Variants in DLK1 observed in about 807,000 individuals in gnomAD.
The protein encoded by DLK1 is protein delta homolog 1.
A neutral mutation model predicts 35.2 loss-of-function variants in DLK1; 9 were observed. The ratio of observed to expected loss-of-function variants is 0.26; its 90% CI spans 0.15 to 0.45. The LOEUF is 0.45. Ranked by LOEUF, DLK1 falls within the 20% of genes least tolerant of loss-of-function variation. The pLI, the probability that DLK1 is intolerant of heterozygous loss-of-function variation, is 1.00. For missense variants in DLK1, 522 were observed against 528.5 expected (o/e 0.99, Z 0.12); for synonymous variants, 231 against 228.4 (o/e 1.01, Z -0.10).
Position 100,734,464 on chromosome 14 carries a change from A to G in DLK1, c.720A>G (p.Thr240=). The change falls in exon 5 of 5, where the codon ACA becomes ACG. Residue 240 remains threonine (T), a synonymous_variant. Transcript: ENST00000341267. This position sits in a 1 kb window ranked among gnomAD's most constrained non-coding sequence, Gnocchi z 7.4. ...AGTGTCTGTGCAAGCCCGAGTTCAC[A>G]GGTCTCACCTGTGTCAAGAAGCGCG... ...SYECLCKPEF[T]GLTCVKKRAL... is the part of the protein sequence containing the mutation. 1.2e-6 allele frequency: 2 copies of G among 1,611,550 alleles called. No individual in the cohort carries two copies. The highest frequency in any genetic ancestry group is 1.7e-6 in the Non-Finnish European group (2 of 1,178,724).
Position 100,730,309 on chromosome 14 carries a change from T to C in DLK1, c.262+1243T>C, listed in dbSNP as rs538230545. On this transcript the variant is annotated intron_variant, in intron 3 of 4. Coordinates refer to ENST00000341267, the MANE Select transcript of DLK1 (RefSeq NM_003836.7). Reference sequence around the variant, plus strand: ...TTGGGATCAGGGTTAGGCTTTTAGCTTGGAGCCCATCTTTTTGGTATCTAA... The same window carrying C: ...TTGGGATCAGGGTTAGGCTTTTAGCCTGGAGCCCATCTTTTTGGTATCTAA... Among the ~76,000 whole-genome samples the C allele has an allele frequency of 4.3e-4, 65 of 152,318 alleles. 1 individual carries two copies. In the South Asian group the frequency reaches 0.012, roughly 28 times the overall value.
chr14:100,735,251 A>G lies in DLK1; in HGVS notation c.*355A>G, dbSNP rs1269561970. 4.9e-6 allele frequency: 1 copy of G among 203,466 alleles called. No homozygotes were observed. Among genetic ancestry groups the G allele is most frequent in the Non-Finnish European group, 9.8e-6 (1 of 102,168 alleles). The allele number at this position is 203,466 out of a possible 1,614,324, so 12.6% of individuals were successfully genotyped here. A position where few individuals can be genotyped will look rare whatever the true frequency, so the allele number is the denominator to read the frequency against. ...CGCCCCTACCCTGGGGGTCTCGGCC[A>G]CATGGTCCTCGTGAAACCGTTACGA... On this transcript the variant is annotated 3_prime_UTR_variant, in exon 5 of 5. Transcript: ENST00000341267.
intron 1 of DLK1, among the ~76,000 whole-genome samples, chr14:100,728,038 T>C (rs774918969): frequency 2.6e-5 from 4 of 152,158 alleles, no homozygotes; most frequent in African/African-American, 9.7e-5. Context: ...ACGGTCAGGC[T>C]GCATGCCCAG....
chr14:100,737,445 C>T lies in DLK1; in HGVS notation c.*2549C>T, dbSNP rs975625244. ...AAGATTGGTCAGATGATCAAATTATCTATGTTTTCGATCTTGATGCTATAG... is the reference window on the plus strand; with the variant it reads ...AAGATTGGTCAGATGATCAAATTATTTATGTTTTCGATCTTGATGCTATAG... On this transcript the variant is annotated 3_prime_UTR_variant, in exon 5 of 5. Coordinates refer to ENST00000341267, the MANE Select transcript of DLK1 (RefSeq NM_003836.7). The T allele has an allele frequency of 6.6e-6, 1 of 152,016 alleles. No homozygotes were observed. Among genetic ancestry groups the T allele is most frequent in the Non-Finnish European group, 1.5e-5 (1 of 68,022 alleles). 9.4% of individuals were successfully genotyped at this position (152,016 alleles called of 1,614,324 possible).
rs143602956 is a variant in DLK1, at chr14:100,734,775, G to A, written c.1031G>A (p.Arg344Gln). The change falls in exon 5 of 5, where the codon CGG (arginine) becomes CAG (glutamine). Residue 344 changes from arginine to glutamine, a missense_variant. Physicochemically the swap from Arg to Gln is conservative, Grantham distance 43 (BLOSUM62 1). Transcript: ENST00000341267. This position sits in a 1 kb window ranked among gnomAD's most constrained non-coding sequence, Gnocchi z 7.4. The stretch of plus-strand genomic sequence containing the variant: ...AACCTGCGCTACAACCACATGCTGC[G>A]GAAGAAGAAGAACCTGCTGCTTCAG... ...VSNLRYNHML[R>Q]KKKNLLLQYN... 7.3e-4 allele frequency: 1,171 copies of A among 1,613,984 alleles called. No individual in the cohort carries two copies. The highest frequency in any genetic ancestry group is 9.3e-4 in the Non-Finnish European group (1,097 of 1,180,028).
intron 3 of DLK1, 165 bp downstream of exon 3, chr14:100,729,231 C>T (rs1156589976): frequency 1.5e-5 from 19 of 1,227,040 alleles, no homozygotes; most frequent in Non-Finnish European, 2.0e-5. Flanking sequence ...CTGTGGGTAC[C>T]GAATGCCTCC....
In DLK1 at chr14:100,735,681, C is replaced by T. The variant is rs1225536654; in HGVS notation, c.*785C>T. ...CCCAACAATTGGGATCTGATGAAGA[C>T]GAATTCTCATCCTGGGATCCGAAAG... On this transcript the variant is annotated 3_prime_UTR_variant, in exon 5 of 5. Coordinates refer to ENST00000341267, the MANE Select transcript of DLK1 (RefSeq NM_003836.7). 1 of 152,202 alleles carries T rather than the reference C, an allele frequency of 6.6e-6. No homozygotes were observed. Among genetic ancestry groups the T allele is most frequent in the African/African-American group, 2.4e-5 (1 of 41,434 alleles). 9.4% of individuals were successfully genotyped at this position (152,202 alleles called of 1,614,324 possible). A position where few individuals can be genotyped will look rare whatever the true frequency, so the allele number is the denominator to read the frequency against.
intron 3 of DLK1, among the ~76,000 whole-genome samples, chr14:100,730,094 G>A (rs112488920): frequency 0.018 from 2,679 of 152,296 alleles, 71 homozygotes; most frequent in African/African-American, 0.061. Context: ...CAGGGCAGCC[G>A]TGGTTCTGAA....
chr14:100,732,558 G>C (rs1253883482), intron 4 of DLK1, among the ~76,000 whole-genome samples: 2 of 151,766 alleles, frequency 1.3e-5, no homozygotes, highest in Non-Finnish European at 2.9e-5. Flanking sequence ...TGTATCTCAG[G>C]GGGTGGTTTT....
At chr14:100,729,479 G>A (rs561206458) in intron 3 of DLK1, among the ~76,000 whole-genome samples, 7 of 151,152 alleles carry the variant, frequency 4.6e-5, no homozygotes, top group Admixed American at 4.6e-4. Context: ...ACGCAAGACT[G>A]TAAAGAGGCT....
At chr14:100,727,656 A>C (rs887119327) in intron 1 of DLK1, among the ~76,000 whole-genome samples, 1 of 152,006 alleles carries the variant, frequency 6.6e-6, no homozygotes, top group African/African-American at 2.4e-5. Context: ...ACAGCGAGAG[A>C]GTTGCCCCCT....
intron 1 of DLK1, 61 bp downstream of exon 1, chr14:100,727,196 C>T: frequency 2.0e-6 from 3 of 1,472,834 alleles, no homozygotes; most frequent in Non-Finnish European, 1.8e-6. Flanking sequence ...TCCCCGCCGG[C>T]CGCCCGGTGC....
chr14:100,730,710 G>A (rs2036497071), intron 3 of DLK1, among the ~76,000 whole-genome samples: 1 of 152,230 alleles, frequency 6.6e-6, no homozygotes, highest in South Asian at 2.1e-4. Flanking sequence ...GGAGAGTCGG[G>A]TGCAGAGAAT....
Position 100,737,786 on chromosome 14 carries a change from AATTATCT to A in DLK1, c.*2895_*2901del, listed in dbSNP as rs2036590307. The A allele has an allele frequency of 6.6e-6, 1 of 152,070 alleles. No individual in the cohort carries two copies. 9.4% of individuals were successfully genotyped at this position (152,070 alleles called of 1,614,324 possible). ...CACCATCTCACCTTCCCACGCAACA[AATTATCT>A]ATTACCAGCACCCGATGAGGCCGTC... On this transcript the variant is annotated 3_prime_UTR_variant, in exon 5 of 5. Coordinates refer to ENST00000341267, the MANE Select transcript of DLK1 (RefSeq NM_003836.7).
chr14:100,730,402 C>T (rs1346682587), intron 3 of DLK1, among the ~76,000 whole-genome samples: 1 of 152,198 alleles, frequency 6.6e-6, no homozygotes, highest in Non-Finnish European at 1.5e-5. Flanking sequence ...TGGTATGTCC[C>T]CTCCCCACCA....
intron 3 of DLK1, 27 bp from the exon 4 acceptor site, chr14:100,732,015 G>A (rs1232634499): frequency 6.3e-7 from 1 of 1,599,014 alleles, no homozygotes; most frequent in Non-Finnish European, 8.5e-7. Flanking sequence ...AGGAAGCTAA[G>A]TTCTCGTCTT....
chr14:100,727,723 G>T (rs9671623), intron 1 of DLK1, among the ~76,000 whole-genome samples: 2,575 of 152,286 alleles, frequency 0.017, 68 homozygotes, highest in African/African-American at 0.059. Context: ...TGTCTAGAAA[G>T]CTGGGGAGCT....
rs1265374175 is a variant in DLK1 at position 100,736,419 on chromosome 14, C to T, written c.*1523C>T. 8 of 152,318 alleles carry T rather than the reference C, an allele frequency of 5.3e-5. No individual in the cohort carries two copies. The East Asian group carries it at 1.5e-3, about 29-fold the overall frequency. The allele number at this position is 152,318 out of a possible 1,614,324, so 9.4% of individuals were successfully genotyped here. On this transcript the variant is annotated 3_prime_UTR_variant, in exon 5 of 5. Coordinates refer to ENST00000341267, the MANE Select transcript of DLK1 (RefSeq NM_003836.7). ...AAGTCATCATCACCTTCGTCATCTA[C>T]AGTCAGTCACATCAGTCACCCACAC...
chr14:100,737,285 T>C lies in DLK1; in HGVS notation c.*2389T>C, dbSNP rs757160557. On this transcript the variant is annotated 3_prime_UTR_variant, in exon 5 of 5. Transcript: ENST00000341267. The stretch of plus-strand genomic sequence containing the variant: ...GAGTTTGTTTTAAGAAATAAAAAAA[T>C]TAAAAAGACAAAAAAAAGAATTGTT... 1 of 150,484 alleles carries C rather than the reference T, an allele frequency of 6.6e-6. No individual in the cohort carries two copies. The highest frequency in any genetic ancestry group is 1.5e-5 in the Non-Finnish European group (1 of 67,768). 9.3% of individuals were successfully genotyped at this position (150,484 alleles called of 1,614,324 possible).
Sources: allele counts gnomAD v4.1 joint callset (sites outside exome capture counted in the v4.1 genomes callset), GRCh38; gene constraint gnomAD v4.1.1; non-coding constraint Gnocchi (gnomAD v3.1); transcripts MANE v1.5; gene names NCBI Gene and HGNC (gene_info 2026-07-23, HGNC 2026-07-21).